CTNND2: variants seen among roughly 807,000 people sequenced by gnomAD.
CTNND2 encodes catenin delta-2.
CTNND2 carries 22 observed loss-of-function variants against 144.4 expected under a neutral mutation model. That is an observed-to-expected ratio of 0.15 (90% CI 0.11 to 0.22). The LOEUF (loss-of-function observed/expected upper bound fraction) is 0.22, where lower values mean the gene tolerates loss of function less well. Among genes scored for constraint, CTNND2 ranks in the 10% least tolerant of loss-of-function variants. CTNND2 has a pLI of 1.00. For synonymous variants in CTNND2, 751 were observed against 695.6 expected (o/e 1.08, Z -1.25); for missense variants, 1,353 against 1,618.8 (o/e 0.84, Z 2.82).
rs559158574 is a variant in CTNND2, at chr5:11,652,102, T to C, written c.174+80034A>G. On this transcript the variant is annotated intron_variant, in intron 2 of 21. Coordinates refer to ENST00000304623, the MANE Select transcript of CTNND2 (RefSeq NM_001332.4). ...GATTTATGTCCCTGCACAAATCTTA[T>C]GTCAAATTGTAATCCCCAATGTTGG... 1.2e-4 allele frequency among the ~76,000 whole-genome samples: 19 copies of C among 152,316 alleles called. No individual in the cohort carries two copies. The South Asian group carries it at 3.5e-3, about 28-fold the overall frequency.
chr5:11,363,252 T>G (rs1756644441), intron 8 of CTNND2, among the ~76,000 whole-genome samples: 1 of 152,178 alleles, frequency 6.6e-6, no homozygotes, highest in African/African-American at 2.4e-5. Flanking sequence ...TTTTTTTTTC[T>G]TATGTAGCTA....
intron 3 of CTNND2, among the ~76,000 whole-genome samples, chr5:11,459,565 C>T (rs1766021925): frequency 6.6e-6 from 1 of 152,180 alleles, no homozygotes; most frequent in South Asian, 2.1e-4. Context: ...TTTCATGCTG[C>T]TAAGTACGTC....
intron 3 of CTNND2, among the ~76,000 whole-genome samples, chr5:11,482,000 G>A (rs560457018): frequency 6.6e-6 from 1 of 152,158 alleles, no homozygotes; most frequent in Non-Finnish European, 1.5e-5. Context: ...TGGGTTTGGA[G>A]GAAGGTACCT....
At chr5:11,071,194 C>A (rs528078813) in intron 16 of CTNND2, among the ~76,000 whole-genome samples, 1 of 152,272 alleles carries the variant, frequency 6.6e-6, no homozygotes, top group South Asian at 2.1e-4. Flanking sequence ...ATATCTACTG[C>A]ACTAAGAAGC....
At position 11,272,134 on chromosome 5, in the gene CTNND2, G is replaced by A. The variant is rs138847750; in HGVS notation, c.1629-35311C>T. On this transcript the variant is annotated intron_variant, in intron 9 of 21. Transcript: ENST00000304623. ...CCAATTCCTGACAAATAAACAGAGA[G>A]TTTAGATAATTTTTACACCAAAATT... Among the ~76,000 whole-genome samples, 7 of 152,174 alleles carry A rather than the reference G, an allele frequency of 4.6e-5. No individual in the cohort carries two copies. The East Asian group carries it at 1.4e-3, about 29-fold the overall frequency.
intron 19 of CTNND2, among the ~76,000 whole-genome samples, chr5:10,990,009 C>A (rs1041658748): frequency 6.6e-6 from 1 of 152,166 alleles, no homozygotes; most frequent in Admixed American, 6.5e-5. Flanking sequence ...TGAACCCCAC[C>A]CAATGCCAGC....
At chr5:11,464,488 G>A (rs748534161) in intron 3 of CTNND2, among the ~76,000 whole-genome samples, 1 of 152,138 alleles carries the variant, frequency 6.6e-6, no homozygotes, top group Non-Finnish European at 1.5e-5. Flanking sequence ...ACTTAGTGGG[G>A]GCAACAGGGC....
chr5:11,312,826 C>T (rs1751134008), intron 9 of CTNND2, among the ~76,000 whole-genome samples: 1 of 150,520 alleles, frequency 6.6e-6, no homozygotes, highest in Non-Finnish European at 1.5e-5. Flanking sequence ...TTGTCCTTTT[C>T]ACATATCTGT....
chr5:11,272,453 A>AT (rs1297430531), intron 9 of CTNND2, among the ~76,000 whole-genome samples: 1 of 152,174 alleles, frequency 6.6e-6, no homozygotes, highest in African/African-American at 2.4e-5. Context: ...AAGACCCACA[A>AT]TAAAAACCTT....
intron 7 of CTNND2, among the ~76,000 whole-genome samples, chr5:11,377,467 G>C (rs1758052550): frequency 6.6e-6 from 1 of 152,118 alleles, no homozygotes; most frequent in Non-Finnish European, 1.5e-5. Flanking sequence ...ATGCCATCTT[G>C]AACAATTATC....
intron 2 of CTNND2, among the ~76,000 whole-genome samples, chr5:11,623,808 G>GTGTA (rs1159127816): frequency 4.4e-4 from 18 of 40,732 alleles, no homozygotes; most frequent in African/African-American, 1.3e-3. Context: ...ATGTGTGTAT[G>GTGTA]TATATATATA....
Position 11,781,515 on chromosome 5 carries a change from C to G in CTNND2, c.38-49243G>C, listed in dbSNP as rs556519376. ...CTTTTTATTGCCCTTCAACTTTTTG[C>G]AATACAATTTATAATTTGAAGAATA... On this transcript the variant is annotated intron_variant, in intron 1 of 21. Coordinates refer to ENST00000304623, the MANE Select transcript of CTNND2 (RefSeq NM_001332.4). Among the ~76,000 whole-genome samples the G allele has an allele frequency of 9.2e-5, 14 of 152,236 alleles. 1 individual carries two copies. The highest frequency in any genetic ancestry group is 3.4e-4 in the African/African-American group (14 of 41,548).
rs545886665 is a variant in CTNND2, at chr5:11,330,577, G to C, written c.1628+15795C>G. Among the ~76,000 whole-genome samples the C allele has an allele frequency of 2.0e-5, 3 of 150,340 alleles. No individual in the cohort carries two copies. In the East Asian group the frequency reaches 5.9e-4, roughly 30 times the overall value. ...GGCTCATGCCTGTAACCCCAGGATT[G>C]CAGAAGGGCGAGGCGGGTGGTGGAT... On this transcript the variant is annotated intron_variant, in intron 9 of 21. Transcript: ENST00000304623.
chr5:11,055,042 T>C (rs1037789971), intron 16 of CTNND2, among the ~76,000 whole-genome samples: 8 of 152,292 alleles, frequency 5.3e-5, no homozygotes, highest in African/African-American at 1.9e-4. Flanking sequence ...CCACCTGGCA[T>C]AGGAATGCTG....
chr5:11,485,345 CTGTGTGTGTGTGTGTG>C (rs375624492), intron 3 of CTNND2, among the ~76,000 whole-genome samples: 2 of 148,736 alleles, frequency 1.3e-5, no homozygotes, highest in Admixed American at 6.6e-5. Context: ...GAGACAGAGA[CTGTGTGTGTGTGTGTG>C]TGTGTGTGTG....
intron 7 of CTNND2, among the ~76,000 whole-genome samples, chr5:11,378,080 A>G (rs1345071415): frequency 6.6e-6 from 1 of 152,140 alleles, no homozygotes; most frequent in Non-Finnish European, 1.5e-5. Flanking sequence ...CCACTGAGAT[A>G]TGGATTCCCT....
intron 16 of CTNND2, among the ~76,000 whole-genome samples, chr5:11,079,651 TC>T (rs1749337684): frequency 6.6e-6 from 1 of 152,174 alleles, no homozygotes; most frequent in African/African-American, 2.4e-5. Flanking sequence ...CAGGGCCTTT[TC>T]CCTGGATTCT....
intron 2 of CTNND2, among the ~76,000 whole-genome samples, chr5:11,623,370 C>G (rs1780951955): frequency 6.6e-6 from 1 of 152,006 alleles, no homozygotes; most frequent in South Asian, 2.1e-4. Flanking sequence ...GTGACTAAAT[C>G]TCACAAGATC....
chr5:11,440,556 C>T (rs1764171293), intron 3 of CTNND2, among the ~76,000 whole-genome samples: 1 of 152,066 alleles, frequency 6.6e-6, no homozygotes, highest in Non-Finnish European at 1.5e-5. Context: ...TAAAGAATCC[C>T]CAAATGAGAA....
Sources: allele counts gnomAD v4.1 joint callset (sites outside exome capture counted in the v4.1 genomes callset), GRCh38; gene constraint gnomAD v4.1.1; transcripts MANE v1.5; gene names NCBI Gene and HGNC (gene_info 2026-07-23, HGNC 2026-07-21).